MAP7: variants seen among roughly 807,000 people sequenced by gnomAD.
MAP7 encodes the protein microtubule associated protein 7.
MAP7 carries 52 observed loss-of-function variants against 94.8 expected under a neutral mutation model. That is an observed-to-expected ratio of 0.55 (90% CI 0.44 to 0.69). The LOEUF is 0.69. Ranked by LOEUF, MAP7 falls within the 30% of genes least tolerant of loss-of-function variation. The pLI, the probability that MAP7 is intolerant of heterozygous loss-of-function variation, is 0.00. For missense variants in MAP7, 940 were observed against 964.6 expected (o/e 0.97, Z 0.34); for synonymous variants, 350 against 357.0 (o/e 0.98, Z 0.22).
rs1788178960 is a variant in MAP7, at chr6:136,413,507, G to A, written c.167-1810C>T. Among the ~76,000 whole-genome samples the A allele has an allele frequency of 6.7e-5, 10 of 149,366 alleles. No individual in the cohort carries two copies. In the South Asian group the frequency reaches 2.1e-3, roughly 31 times the overall value. ...CCACTGCACTCCAGCCTGGGAGACA[G>A]AGCGAGACACCGTCTCAGAAAAAAA... On this transcript the variant is annotated intron_variant, in intron 2 of 17. Coordinates refer to ENST00000354570, the MANE Select transcript of MAP7 (RefSeq NM_003980.6).
At chr6:136,366,116 A>G in intron 9 of MAP7, 98 bp from the exon 10 acceptor site, 1 of 1,280,974 alleles carries the variant, frequency 7.8e-7, no homozygotes. Flanking sequence ...GCAGATATTT[A>G]GCTCCGTGTA....
At chr6:136,508,660 T>G (rs1354230391) in intron 1 of MAP7, among the ~76,000 whole-genome samples, 2 of 152,154 alleles carry the variant, frequency 1.3e-5, no homozygotes, top group African/African-American at 4.8e-5. Flanking sequence ...GAAAAGATAA[T>G]GCTAAATGCC....
intron 7 of MAP7, among the ~76,000 whole-genome samples, chr6:136,376,104 GT>G (rs1036810921): frequency 1.8e-4 from 27 of 146,366 alleles, no homozygotes; most frequent in South Asian, 2.2e-4. Context: ...CTGAAAAGCG[GT>G]TTTTTTTTTT....
intron 1 of MAP7, among the ~76,000 whole-genome samples, chr6:136,450,433 TAATATTAA>T (rs1420056546): frequency 6.6e-6 from 1 of 152,066 alleles, no homozygotes; most frequent in Non-Finnish European, 1.5e-5. Flanking sequence ...ATTTAAATTT[TAATATTAA>T]AATATTAAAA....
At chr6:136,374,531 T>C (rs1775523452) in intron 7 of MAP7, among the ~76,000 whole-genome samples, 1 of 152,290 alleles carries the variant, frequency 6.6e-6, no homozygotes, top group East Asian at 1.9e-4. Context: ...TTGGAGGCCA[T>C]GGGTCTGACA....
chr6:136,456,820 A>G (rs867627211), intron 1 of MAP7, among the ~76,000 whole-genome samples: 21 of 87,288 alleles, frequency 2.4e-4, no homozygotes, highest in South Asian at 1.5e-3. Context: ...GAAGAAGAAG[A>G]AGGAAGAAGA....
intron 1 of MAP7, among the ~76,000 whole-genome samples, chr6:136,480,431 A>C (rs1166301403): frequency 6.6e-6 from 1 of 152,100 alleles, no homozygotes; most frequent in East Asian, 1.9e-4. Context: ...TCATGAGGTC[A>C]GGAGATCAAG....
At chr6:136,503,667 A>G (rs1410045603) in intron 1 of MAP7, among the ~76,000 whole-genome samples, 2 of 152,216 alleles carry the variant, frequency 1.3e-5, no homozygotes, top group Non-Finnish European at 2.9e-5. Flanking sequence ...AATCTACATT[A>G]ACCAATGTTT....
intron 1 of MAP7, among the ~76,000 whole-genome samples, chr6:136,440,321 T>C (rs1797468596): frequency 6.6e-6 from 1 of 152,128 alleles, no homozygotes; most frequent in Non-Finnish European, 1.5e-5. Flanking sequence ...AGTACTGTGA[T>C]AGAGATCTCT....
At position 136,444,406 on chromosome 6, in the gene MAP7, T is replaced by C. The variant is rs140520611; in HGVS notation, c.68-22607A>G. Among the ~76,000 whole-genome samples the C allele has an allele frequency of 4.5e-3, 681 of 152,372 alleles. 5 individuals are homozygous for C. The highest frequency in any genetic ancestry group is 0.015 in the African/African-American group (635 of 41,590). ...TTGCTGTTAAGTCTTCCAGACGCTA[T>C]TGTTTCAACCACTTTCTGGACCCAT... On this transcript the variant is annotated intron_variant, in intron 1 of 17. Coordinates refer to ENST00000354570, the MANE Select transcript of MAP7 (RefSeq NM_003980.6).
chr6:136,490,915 C>G (rs1012316932), intron 1 of MAP7, among the ~76,000 whole-genome samples: 3 of 152,152 alleles, frequency 2.0e-5, no homozygotes, highest in Non-Finnish European at 4.4e-5. Context: ...TCATCTTATC[C>G]CCCAAAAATC....
At chr6:136,533,870 T>C (rs1052236056) in intron 1 of MAP7, among the ~76,000 whole-genome samples, 1 of 152,120 alleles carries the variant, frequency 6.6e-6, no homozygotes, top group Non-Finnish European at 1.5e-5. Flanking sequence ...GCCTCTAACA[T>C]TGGATGTCAT....
Position 136,550,365 on chromosome 6 carries a change from T to C in MAP7, c.44A>G (p.Asp15Gly). The C allele has an allele frequency of 6.5e-7, 1 of 1,529,526 alleles. No individual in the cohort carries two copies. The highest frequency in any genetic ancestry group is 8.7e-7 in the Non-Finnish European group (1 of 1,146,632). The allele number at this position is 1,529,526 out of a possible 1,614,324, so 94.7% of individuals were successfully genotyped here. Residue 15 changes from aspartate (D) to glycine (G), a missense_variant, in exon 1 of 18, where the codon GAC becomes GGC. By Grantham distance (94) the Asp-to-Gly change is moderately conservative (BLOSUM62 -1). Coordinates refer to ENST00000354570, the MANE Select transcript of MAP7 (RefSeq NM_003980.6). The surrounding 1 kb of genome is among the most constrained non-coding windows in gnomAD (Gnocchi z 5.1). Reference protein sequence around the residue: ...GAGGDGHRGGDGAVRSETAPD... With the variant: ...GAGGDGHRGGGGAVRSETAPD... Reference sequence around the variant, plus strand: ...ACCTGTTTCGCTTCGCACTGCGCCGTCGCCGCCCCTGTGGCCGTCGCCGCC... The same window carrying C: ...ACCTGTTTCGCTTCGCACTGCGCCGCCGCCGCCCCTGTGGCCGTCGCCGCC...
rs1487619948 is a variant in MAP7 at position 136,506,171 on chromosome 6, C to T, written c.67+44171G>A. Among the ~76,000 whole-genome samples, 2 of 152,126 alleles carry T rather than the reference C, an allele frequency of 1.3e-5. 1 individual carries two copies. Among genetic ancestry groups the T allele is most frequent in the African/African-American group, 4.8e-5 (2 of 41,390 alleles). ...ACAGCCTCATCTCAATTCAACACAT[C>T]TTGCCACTGATATACTGTATAATAT... On this transcript the variant is annotated intron_variant, in intron 1 of 17. Coordinates refer to ENST00000354570, the MANE Select transcript of MAP7 (RefSeq NM_003980.6).
chr6:136,353,956 G>A (rs1298727896), intron 16 of MAP7, among the ~76,000 whole-genome samples: 1 of 151,886 alleles, frequency 6.6e-6, no homozygotes, highest in African/African-American at 2.4e-5. Context: ...GGGATAGAAG[G>A]GTAACACTGT....
intron 1 of MAP7, among the ~76,000 whole-genome samples, chr6:136,492,949 C>T (rs968808102): frequency 6.6e-6 from 1 of 151,764 alleles, no homozygotes; most frequent in Non-Finnish European, 1.5e-5. Context: ...TTAATAAATC[C>T]TTTGTCCTAG....
At chr6:136,410,190 G>A (rs1345714189) in intron 3 of MAP7, among the ~76,000 whole-genome samples, 2 of 152,134 alleles carry the variant, frequency 1.3e-5, no homozygotes, top group South Asian at 4.1e-4. Flanking sequence ...CCGACCTATG[G>A]AACTCCTTCT....
chr6:136,529,247 T>TGGGATTAC (rs2129055709), intron 1 of MAP7, among the ~76,000 whole-genome samples: 1 of 151,986 alleles, frequency 6.6e-6, no homozygotes, highest in South Asian at 2.1e-4. Flanking sequence ...CCTGAGTAAC[T>TGGGATTAC]GGGATTACAG....
rs56660992 is a variant in MAP7 at position 136,533,641 on chromosome 6, G to A, written c.67+16701C>T. 2.8e-3 allele frequency among the ~76,000 whole-genome samples: 433 copies of A among 152,318 alleles called. 3 individuals carry two copies. The highest frequency in any genetic ancestry group is 9.7e-3 in the African/African-American group (403 of 41,572). On this transcript the variant is annotated intron_variant, in intron 1 of 17. Transcript: ENST00000354570. ...TTCTGCAGACTGTACAAGGAGCACA[G>A]TGCTGGTATTTGCTTCTGTTGAGGG...
Sources: gnomAD v4.1 joint callset for allele counts (sites outside exome capture counted in the v4.1 genomes callset) on GRCh38, gnomAD v4.1.1 for gene constraint, Gnocchi (gnomAD v3.1) non-coding constraint, MANE v1.5 for transcripts, NCBI Gene and HGNC (gene_info 2026-07-23, HGNC 2026-07-21) for gene names.